Variants in EPAS1 observed in about 807,000 individuals in gnomAD.
EPAS1 encodes endothelial PAS domain protein 1.
In EPAS1, 23 loss-of-function variants were observed where a neutral mutation model predicts 87.9. The ratio of observed to expected loss-of-function variants is 0.26; its 90% CI spans 0.19 to 0.37. The LOEUF (loss-of-function observed/expected upper bound fraction) is 0.37, where lower values mean the gene tolerates loss of function less well. Ranked by LOEUF, EPAS1 falls within the 10% of genes least tolerant of loss-of-function variation. The probability of loss-of-function intolerance (pLI) is 1.00; values close to 1 mark genes in which losing one functional copy is unlikely to be tolerated. For missense variants in EPAS1, 1,138 were observed against 1,120.7 expected (o/e 1.02, Z -0.22); for synonymous variants, 508 against 444.3 (o/e 1.14, Z -1.80).
chr2:46,304,509 T>C (rs974785411), intron 1 of EPAS1, among the ~76,000 whole-genome samples: 2 of 152,206 alleles, frequency 1.3e-5, no homozygotes, highest in Middle Eastern at 3.2e-3. Context: ...CTTGTAATTA[T>C]AATTACTTTT....
In EPAS1 at chr2:46,375,745, G is replaced by A. The variant is rs768938820; in HGVS notation, c.942G>A (p.Gly314=). 6.2e-7 allele frequency: 1 copy of A among 1,614,214 alleles called. No individual in the cohort carries two copies. Among genetic ancestry groups the A allele is most frequent in the South Asian group, 1.1e-5 (1 of 91,086 alleles). The change falls in exon 8 of 16, where the codon GGG becomes GGA. Residue 314 remains glycine (G), a synonymous_variant. Transcript: ENST00000263734. The surrounding 1 kb of genome is among the most constrained non-coding windows in gnomAD (Gnocchi z 4.1). ...SGQYRMLAKH[G]GYVWLETQGT... ...AGTACCGGATGCTCGCAAAGCATGG[G>A]GGCTACGTGTGGCTGGAGACCCAGG...
At chr2:46,314,336 T>C (rs1224330519) in intron 1 of EPAS1, among the ~76,000 whole-genome samples, 1 of 152,184 alleles carries the variant, frequency 6.6e-6, no homozygotes, top group Non-Finnish European at 1.5e-5. Context: ...TCGGTGTCAC[T>C]CTCTACATGG....
At chr2:46,379,088 A>AAACAT in intron 11 of EPAS1, among the ~76,000 whole-genome samples, 1 of 152,382 alleles carries the variant, frequency 6.6e-6, no homozygotes, top group South Asian at 2.1e-4. Flanking sequence ...CAGATGTATA[A>AAACAT]AACATGTATA....
At chr2:46,334,313 T>G (rs1265594762) in intron 1 of EPAS1, among the ~76,000 whole-genome samples, 2 of 152,188 alleles carry the variant, frequency 1.3e-5, no homozygotes, top group African/African-American at 2.4e-5. Flanking sequence ...TTCGTGTGCT[T>G]GGCACCTTAT....
intron 1 of EPAS1, among the ~76,000 whole-genome samples, chr2:46,340,897 C>T (rs566179359): frequency 6.6e-6 from 1 of 151,912 alleles, no homozygotes; most frequent in South Asian, 2.1e-4. Context: ...TAATTTCTAA[C>T]TTTTTTAGAG....
chr2:46,341,579 C>G (rs1163183824), intron 1 of EPAS1, among the ~76,000 whole-genome samples: 1 of 152,210 alleles, frequency 6.6e-6, no homozygotes, highest in Admixed American at 6.5e-5. Context: ...ATCACACCAA[C>G]TCCTAGATAA....
chr2:46,374,546 C>T (rs1684696899), intron 7 of EPAS1, among the ~76,000 whole-genome samples: 1 of 152,096 alleles, frequency 6.6e-6, no homozygotes, highest in African/African-American at 2.4e-5. Flanking sequence ...CTATTATTAT[C>T]AATATCCTGT....
intron 1 of EPAS1, among the ~76,000 whole-genome samples, chr2:46,314,234 G>T (rs998583244): frequency 3.3e-5 from 5 of 152,146 alleles, no homozygotes; most frequent in African/African-American, 1.2e-4. Context: ...GTGTGTTGGT[G>T]GCGTCTGGAA....
At chr2:46,318,468 A>G (rs929569184) in intron 1 of EPAS1, among the ~76,000 whole-genome samples, 13 of 152,260 alleles carry the variant, frequency 8.5e-5, no homozygotes, top group African/African-American at 3.1e-4. Flanking sequence ...CAAACCTTCA[A>G]TTTGTAAAAA....
At chr2:46,330,859 T>C (rs1683659851) in intron 1 of EPAS1, among the ~76,000 whole-genome samples, 2 of 152,170 alleles carry the variant, frequency 1.3e-5, no homozygotes, top group African/African-American at 4.8e-5. Context: ...GGGACTCCTT[T>C]ACCACCTCCT....
intron 2 of EPAS1, among the ~76,000 whole-genome samples, chr2:46,352,520 T>G (rs1269247267): frequency 1.3e-5 from 2 of 152,136 alleles, no homozygotes; most frequent in Non-Finnish European, 2.9e-5. Context: ...TAATGGTACG[T>G]CAGGGAAGAC....
At chr2:46,328,216 T>C (rs374598642) in intron 1 of EPAS1, among the ~76,000 whole-genome samples, 22 of 152,040 alleles carry the variant, frequency 1.4e-4, no homozygotes, top group Admixed American at 3.9e-4. Context: ...GGCCAGGAAA[T>C]TGGGGGCACC....
rs1358618658 is a variant in EPAS1, at chr2:46,297,880, G to A, written c.-32G>A. The stretch of plus-strand genomic sequence containing the variant: ...ACCCGCCAGGGAGCCCAGGTGCTCG[G>A]CGTCTGAACGTCTCAAAGGGCCACA... On this transcript the variant is annotated 5_prime_UTR_variant, in exon 1 of 16. Coordinates refer to ENST00000263734, the MANE Select transcript of EPAS1 (RefSeq NM_001430.5). 1 of 1,607,768 alleles carries A rather than the reference G, an allele frequency of 6.2e-7. No individual in the cohort carries two copies. Among genetic ancestry groups the A allele is most frequent in the Non-Finnish European group, 8.5e-7 (1 of 1,177,088 alleles).
Position 46,384,611 on chromosome 2 carries a change from C to T in EPAS1, c.2564C>T (p.Thr855Met), listed in dbSNP as rs750713273. 19 of 1,613,986 alleles carry T rather than the reference C, an allele frequency of 1.2e-5. No homozygotes were observed. Among genetic ancestry groups the T allele is most frequent in the Middle Eastern group, 1.6e-4 (1 of 6,084 alleles). The change falls in exon 16 of 16, where the codon ACG becomes ATG. Residue 855 changes from threonine to methionine, a missense_variant. This residue lies in a region of EPAS1 where 502 missense variants were observed against 427.1 expected (regional missense o/e 1.18). Transcript: ENST00000263734. ...AACGTGCCCGTGCTGGGAAGCTCCA[C>T]GCTCCTGCAAGGAGGGGACCTCCTC... ...EVNVPVLGSS[T>M]LLQGGDLLRA...
intron 1 of EPAS1, among the ~76,000 whole-genome samples, chr2:46,320,424 A>T (rs949940796): frequency 2.6e-5 from 4 of 152,254 alleles, no homozygotes; most frequent in Non-Finnish European, 5.9e-5. Flanking sequence ...CTGTTGGCAT[A>T]GCAACTCCTA....
chr2:46,300,698 G>C lies in EPAS1; in HGVS notation c.26+2761G>C, dbSNP rs1361888911. On this transcript the variant is annotated intron_variant, in intron 1 of 15. Coordinates refer to ENST00000263734, the MANE Select transcript of EPAS1 (RefSeq NM_001430.5). The surrounding 1 kb of genome is among the most constrained non-coding windows in gnomAD (Gnocchi z 4.1). Reference sequence around the variant, plus strand: ...TGGGATTCACGGGGTTTGAGGAGTGGTTCAGGCAAATGTAAATGAGATCCT... The same window carrying C: ...TGGGATTCACGGGGTTTGAGGAGTGCTTCAGGCAAATGTAAATGAGATCCT... 6.6e-6 allele frequency among the ~76,000 whole-genome samples: 1 copy of C among 152,142 alleles called. No homozygotes were observed. The highest frequency in any genetic ancestry group is 1.5e-5 in the Non-Finnish European group (1 of 68,030).
intron 7 of EPAS1, 98 bp downstream of exon 7, chr2:46,370,031 CCA>C (rs1684595049): frequency 5.6e-6 from 5 of 893,366 alleles, no homozygotes; most frequent in Non-Finnish European, 9.1e-6. Context: ...GTCACTTCCT[CCA>C]CAGAGCTGCT....
chr2:46,362,159 TC>T (rs765199307), intron 6 of EPAS1, among the ~76,000 whole-genome samples: 3 of 152,298 alleles, frequency 2.0e-5, no homozygotes, highest in Admixed American at 6.5e-5. Context: ...GGGTGACAGT[TC>T]CTGTGGCAGC....
intron 1 of EPAS1, among the ~76,000 whole-genome samples, chr2:46,324,835 G>C (rs189221235): frequency 6.6e-6 from 1 of 152,230 alleles, no homozygotes; most frequent in East Asian, 1.9e-4. Context: ...GTCCAGAAGT[G>C]GTTGGTGTTT....
Sources: allele counts gnomAD v4.1 joint callset (sites outside exome capture counted in the v4.1 genomes callset), GRCh38; gene constraint gnomAD v4.1.1; regional missense constraint gnomAD v4.1.1; non-coding constraint Gnocchi (gnomAD v3.1); transcripts MANE v1.5; gene names NCBI Gene and HGNC (gene_info 2026-07-23, HGNC 2026-07-21).